Variants in RBMS3 observed in about 807,000 individuals in gnomAD.
RBMS3 encodes the protein RNA binding motif single stranded interacting protein 3.
RBMS3 carries 27 observed loss-of-function variants against 66.8 expected under a neutral mutation model. The observed-to-expected ratio is 0.40, with a 90% CI of 0.30 to 0.56. The LOEUF (loss-of-function observed/expected upper bound fraction) is 0.56. Ranked by LOEUF, RBMS3 falls within the 20% of genes least tolerant of loss-of-function variation. The pLI is 0.40. For missense variants in RBMS3, 513 were observed against 549.5 expected (o/e 0.93, Z 0.66); for synonymous variants, 188 against 183.0 (o/e 1.03, Z -0.22).
At chr3:29,651,822 A>C (rs1157672218) in intron 4 of RBMS3, among the ~76,000 whole-genome samples, 1 of 152,122 alleles carries the variant, frequency 6.6e-6, no homozygotes, top group Non-Finnish European at 1.5e-5. Context: ...ATCTCATCCA[A>C]CTCAGCCATA....
At chr3:29,457,749 T>G (rs1471427902) in intron 2 of RBMS3, among the ~76,000 whole-genome samples, 5 of 151,932 alleles carry the variant, frequency 3.3e-5, no homozygotes, top group African/African-American at 1.2e-4. Flanking sequence ...AGTTCTTGCA[T>G]GTTATAAAGA....
chr3:29,591,439 C>G (rs1410428935), intron 4 of RBMS3, among the ~76,000 whole-genome samples: 2 of 152,188 alleles, frequency 1.3e-5, no homozygotes, highest in Non-Finnish European at 2.9e-5. Flanking sequence ...AAATGGGAAG[C>G]AAGCCTAAAT....
intron 1 of RBMS3, among the ~76,000 whole-genome samples, chr3:29,430,514 A>AT (rs112791486): frequency 3.7e-4 from 57 of 152,160 alleles, no homozygotes; most frequent in African/African-American, 1.3e-3. Context: ...TATTTTGTTA[A>AT]TTTTTTTCCC....
At chr3:29,803,302 C>T (rs2057445689) in intron 6 of RBMS3, among the ~76,000 whole-genome samples, 1 of 152,084 alleles carries the variant, frequency 6.6e-6, no homozygotes, top group African/African-American at 2.4e-5. Flanking sequence ...CTTATATTTC[C>T]TGGGTTATTT....
chr3:29,354,713 C>G (rs2037118686), intron 1 of RBMS3, among the ~76,000 whole-genome samples: 1 of 152,104 alleles, frequency 6.6e-6, no homozygotes, highest in Non-Finnish European at 1.5e-5. Flanking sequence ...ATGACACATT[C>G]ATTGCCAACA....
intron 4 of RBMS3, among the ~76,000 whole-genome samples, chr3:29,734,556 A>G (rs1436785419): frequency 2.6e-5 from 4 of 152,030 alleles, no homozygotes; most frequent in African/African-American, 9.7e-5. Context: ...AATGTTTTTT[A>G]AAAAGGGTTC....
intron 1 of RBMS3, among the ~76,000 whole-genome samples, chr3:29,384,848 T>A (rs1362011191): frequency 6.6e-6 from 1 of 152,218 alleles, no homozygotes; most frequent in Non-Finnish European, 1.5e-5. Flanking sequence ...AGAGAAATGC[T>A]TTTTGGTTGG....
intron 4 of RBMS3, among the ~76,000 whole-genome samples, chr3:29,723,989 G>C (rs1341806789): frequency 6.7e-6 from 1 of 150,360 alleles, no homozygotes; most frequent in Non-Finnish European, 1.5e-5. Flanking sequence ...TAATTGACTT[G>C]AACAGTGGAA....
intron 6 of RBMS3, among the ~76,000 whole-genome samples, chr3:29,858,626 T>G (rs2059138102): frequency 6.6e-6 from 1 of 152,188 alleles, no homozygotes; most frequent in South Asian, 2.1e-4. Flanking sequence ...TGTTCCAGCC[T>G]TTTCCCCAAA....
chr3:29,909,044 A>C (rs2060453631), intron 10 of RBMS3, among the ~76,000 whole-genome samples: 1 of 152,158 alleles, frequency 6.6e-6, no homozygotes, highest in South Asian at 2.1e-4. Context: ...ATTTTAAGTG[A>C]AAATAATACA....
At chr3:29,700,934 A>T (rs906260505) in intron 4 of RBMS3, among the ~76,000 whole-genome samples, 4 of 152,136 alleles carry the variant, frequency 2.6e-5, no homozygotes, top group African/African-American at 9.7e-5. Context: ...AAAGGTGAAG[A>T]AGTTGGAAAG....
At chr3:29,418,607 T>C (rs138889750) in intron 1 of RBMS3, among the ~76,000 whole-genome samples, 23 of 152,222 alleles carry the variant, frequency 1.5e-4, no homozygotes, top group African/African-American at 4.1e-4. Flanking sequence ...ACTGGGAGGA[T>C]TTCGGCATTA....
At chr3:29,495,805 C>T (rs896748791) in intron 3 of RBMS3, among the ~76,000 whole-genome samples, 1 of 152,088 alleles carries the variant, frequency 6.6e-6, no homozygotes, top group Non-Finnish European at 1.5e-5. Context: ...AGAGTAATTA[C>T]AGGACATGAG....
At chr3:29,732,923 C>A (rs2054196761) in intron 4 of RBMS3, among the ~76,000 whole-genome samples, 1 of 151,842 alleles carries the variant, frequency 6.6e-6, no homozygotes, top group South Asian at 2.1e-4. Context: ...AAACAATATC[C>A]CTTATGATAT....
At chr3:29,490,143 A>T (rs982375018) in intron 3 of RBMS3, among the ~76,000 whole-genome samples, 2 of 151,234 alleles carry the variant, frequency 1.3e-5, no homozygotes, top group African/African-American at 4.9e-5. Context: ...TTTTAAATTT[A>T]AAATTTAATT....
chr3:29,468,477 C>A (rs889663834), intron 2 of RBMS3, among the ~76,000 whole-genome samples: 1 of 152,104 alleles, frequency 6.6e-6, no homozygotes, highest in East Asian at 1.9e-4. Context: ...ACCCTAAGTA[C>A]GTGGTAGAAT....
chr3:29,988,578 CAA>C (rs533685238), intron 13 of RBMS3, among the ~76,000 whole-genome samples: 18 of 152,174 alleles, frequency 1.2e-4, no homozygotes, highest in Admixed American at 2.0e-4. Context: ...CCTTGTTCCT[CAA>C]AGAGTGGTTC....
At chr3:29,620,685 C>A (rs2048835063) in intron 4 of RBMS3, among the ~76,000 whole-genome samples, 1 of 151,926 alleles carries the variant, frequency 6.6e-6, no homozygotes, top group Non-Finnish European at 1.5e-5. Flanking sequence ...TTGGCATCCT[C>A]TAAAGAAATT....
intron 2 of RBMS3, among the ~76,000 whole-genome samples, chr3:29,485,892 A>G (rs1324546037): frequency 1.3e-5 from 2 of 152,164 alleles, no homozygotes; most frequent in African/African-American, 2.4e-5. Flanking sequence ...TTATGAAGAC[A>G]TAAGGTCTTG....
Sources: gnomAD v4.1 joint callset for allele counts (sites outside exome capture counted in the v4.1 genomes callset) on GRCh38, gnomAD v4.1.1 for gene constraint, MANE v1.5 for transcripts, NCBI Gene and HGNC (gene_info 2026-07-23, HGNC 2026-07-21) for gene names.